COL13A1: variants seen among roughly 807,000 people sequenced by gnomAD.
The protein encoded by COL13A1 is collagen alpha-1(XIII) chain.
COL13A1 carries 89 observed loss-of-function variants against 130.9 expected under a neutral mutation model. The ratio of observed to expected loss-of-function variants is 0.68; its 90% CI spans 0.57 to 0.81. COL13A1 has a LOEUF of 0.81. COL13A1 is among the 30% of genes least tolerant of loss of function. The probability of loss-of-function intolerance (pLI) is 0.00; values close to 1 mark genes in which losing one functional copy is unlikely to be tolerated. For missense variants in COL13A1, 879 were observed against 934.6 expected (o/e 0.94, Z 0.78); for synonymous variants, 402 against 341.6 (o/e 1.18, Z -1.95).
At chr10:69,881,398 G>C (rs956379680) in intron 7 of COL13A1, among the ~76,000 whole-genome samples, 15 of 152,218 alleles carry the variant, frequency 9.9e-5, no homozygotes, top group Non-Finnish European at 1.6e-4. Context: ...CACTTTTCCT[G>C]ACCCGCCGTG....
intron 15 of COL13A1, among the ~76,000 whole-genome samples, 187 bp from the exon 16 acceptor site, chr10:69,904,746 C>T (rs1034621494): frequency 6.6e-5 from 10 of 152,170 alleles, no homozygotes; most frequent in Non-Finnish European, 1.2e-4. Context: ...GTTATCCCCA[C>T]GTGCCCTCAG....
chr10:69,889,146 G>T (rs1251827149), intron 9 of COL13A1, among the ~76,000 whole-genome samples: 1 of 152,222 alleles, frequency 6.6e-6, no homozygotes, highest in African/African-American at 2.4e-5. Flanking sequence ...CATGAGCGTT[G>T]GGGTCTAGGG....
intron 2 of COL13A1, among the ~76,000 whole-genome samples, chr10:69,854,141 C>T (rs551224230): frequency 1.3e-5 from 2 of 152,356 alleles, no homozygotes; most frequent in South Asian, 4.1e-4. Flanking sequence ...CCATACAGCT[C>T]ACTGTGCAGC....
intron 22 of COL13A1, 65 bp from the exon 23 acceptor site, chr10:69,922,643 C>G: frequency 8.2e-7 from 1 of 1,221,284 alleles, no homozygotes; most frequent in Non-Finnish European, 1.1e-6. Flanking sequence ...CCCATAGTGT[C>G]CCTCCAGTGC....
intron 7 of COL13A1, among the ~76,000 whole-genome samples, chr10:69,881,969 T>C (rs989004804): frequency 2.6e-5 from 4 of 152,168 alleles, no homozygotes; most frequent in African/African-American, 7.2e-5. Flanking sequence ...GCTGCAGTCA[T>C]AGACGGGCCA....
intron 31 of COL13A1, among the ~76,000 whole-genome samples, chr10:69,934,693 T>C (rs187968197): frequency 5.7e-4 from 87 of 152,356 alleles, no homozygotes; most frequent in Admixed American, 9.8e-4. Context: ...AGCTCCTCCA[T>C]CTTCACTGTC....
intron 3 of COL13A1, 32 bp from the exon 4 acceptor site, chr10:69,872,152 C>T: frequency 6.2e-7 from 1 of 1,613,956 alleles, no homozygotes. Context: ...CGATACCTGC[C>T]TGACCTACGT....
chr10:69,831,902 G>A (rs139009094), intron 2 of COL13A1, among the ~76,000 whole-genome samples: 268 of 152,288 alleles, frequency 1.8e-3, no homozygotes, highest in Non-Finnish European at 3.2e-3. Context: ...ACATAAAATG[G>A]GAATGACAGC....
chr10:69,934,344 C>G (rs1314979678), intron 31 of COL13A1, among the ~76,000 whole-genome samples: 2 of 152,256 alleles, frequency 1.3e-5, no homozygotes, highest in Non-Finnish European at 2.9e-5. Flanking sequence ...AAATGGGAAG[C>G]TTTTTTTAAG....
chr10:69,807,600 T>C (rs1344544496), intron 1 of COL13A1, among the ~76,000 whole-genome samples: 2 of 152,104 alleles, frequency 1.3e-5, no homozygotes, highest in Non-Finnish European at 2.9e-5. Flanking sequence ...AGGACTGAAA[T>C]GCTGGGATGA....
intron 2 of COL13A1, among the ~76,000 whole-genome samples, chr10:69,861,516 A>T (rs1858073749): frequency 6.6e-6 from 1 of 152,102 alleles, no homozygotes; most frequent in East Asian, 1.9e-4. Context: ...CTGGTATGAG[A>T]TGTGTCTGGG....
Position 69,905,802 on chromosome 10 carries a change from C to T in COL13A1, c.901C>T (p.Gln301Ter), listed in dbSNP as rs200902481. The change falls in exon 17 of 41, where the codon CAG (glutamine) becomes TAG (stop). Residue 301 changes from glutamine (Q) to a stop codon, truncating the protein, a stop_gained. Coordinates refer to ENST00000645393, the MANE Select transcript of COL13A1 (RefSeq NM_001368882.1). LOFTEE classifies it high-confidence loss of function. ...GTTTTCCCAGGGAGACCCAGGGATC[C>T]AGGGCTACCACGGCCGGAAGGTAAG... ...PPGPKGDPGI[Q>*]GYHGRKGERG... 5 of 1,613,516 alleles carry T rather than the reference C, an allele frequency of 3.1e-6. No individual in the cohort carries two copies. In the African/African-American group the frequency reaches 4.0e-5, roughly 13 times the overall value.
At chr10:69,950,659 A>G (rs2069384728) in intron 38 of COL13A1, among the ~76,000 whole-genome samples, 1 of 152,244 alleles carries the variant, frequency 6.6e-6, no homozygotes, top group African/African-American at 2.4e-5. Flanking sequence ...GTTGGCAGAC[A>G]AAACTTCAGG....
chr10:69,822,166 T>C (rs558526119), intron 1 of COL13A1, among the ~76,000 whole-genome samples: 1 of 151,288 alleles, frequency 6.6e-6, no homozygotes, highest in East Asian at 1.9e-4. Context: ...GACGCTGTGA[T>C]TACCGGGATG....
intron 21 of COL13A1, among the ~76,000 whole-genome samples, chr10:69,921,367 T>C (rs1033536385): frequency 6.6e-6 from 1 of 152,208 alleles, no homozygotes; most frequent in Non-Finnish European, 1.5e-5. Context: ...GACTTCATCC[T>C]AACTCATTAC....
intron 17 of COL13A1, among the ~76,000 whole-genome samples, chr10:69,911,381 C>G (rs1379455894): frequency 6.6e-6 from 1 of 152,234 alleles, no homozygotes; most frequent in Non-Finnish European, 1.5e-5. Flanking sequence ...CTTATTGAAT[C>G]CTTGTAACAA....
chr10:69,924,418 A>C (rs2065077721), intron 24 of COL13A1, among the ~76,000 whole-genome samples: 1 of 152,042 alleles, frequency 6.6e-6, no homozygotes, highest in Non-Finnish European at 1.5e-5. Context: ...TTGCAACAGG[A>C]ACAAATCCTT....
chr10:69,949,839 C>T (rs1435022676), intron 38 of COL13A1, among the ~76,000 whole-genome samples: 1 of 151,420 alleles, frequency 6.6e-6, no homozygotes, highest in Non-Finnish European at 1.5e-5. Flanking sequence ...GCCTGCAAAC[C>T]AGCCAGCTGA....
intron 10 of COL13A1, among the ~76,000 whole-genome samples, chr10:69,891,076 G>A (rs1002655262): frequency 3.9e-5 from 6 of 152,112 alleles, no homozygotes; most frequent in African/African-American, 1.4e-4. Context: ...AATGTGCTGG[G>A]CACTGCTTCA....
Sources: gnomAD v4.1 joint callset for allele counts (sites outside exome capture counted in the v4.1 genomes callset) on GRCh38, gnomAD v4.1.1 for gene constraint, MANE v1.5 for transcripts, NCBI Gene and HGNC (gene_info 2026-07-23, HGNC 2026-07-21) for gene names.